Variants in TAFA2 observed in about 807,000 individuals in gnomAD.
TAFA2 encodes chemokine-like protein TAFA-2.
Under a neutral mutation model 18.8 loss-of-function variants are expected in TAFA2, and 7 were observed. The observed-to-expected ratio is 0.37, with a 90% confidence interval of 0.21 to 0.70. The LOEUF is 0.70. Among genes scored for constraint, TAFA2 ranks in the 30% least tolerant of loss-of-function variants. The probability of loss-of-function intolerance (pLI) is 0.53; values close to 1 mark genes in which losing one functional copy is unlikely to be tolerated. For missense variants in TAFA2, 122 were observed against 158.1 expected (o/e 0.77, Z 1.23); for synonymous variants, 60 against 54.2 (o/e 1.11, Z -0.47).
chr12:62,029,037 G>A (rs560812636), intron 1 of TAFA2, among the ~76,000 whole-genome samples: 1 of 152,034 alleles, frequency 6.6e-6, no homozygotes, highest in East Asian at 1.9e-4. Flanking sequence ...TTTATAAAGA[G>A]ATTTTTTAAC....
At chr12:61,823,229 G>A (rs984762831) in intron 2 of TAFA2, among the ~76,000 whole-genome samples, 4 of 151,926 alleles carry the variant, frequency 2.6e-5, no homozygotes, top group African/African-American at 4.8e-5. Flanking sequence ...CTGGAGTGCA[G>A]TGGCATGATC....
chr12:61,863,756 T>A (rs1196145533), intron 2 of TAFA2, among the ~76,000 whole-genome samples: 2 of 152,160 alleles, frequency 1.3e-5, no homozygotes, highest in African/African-American at 4.8e-5. Context: ...CTGTGAATGT[T>A]CTGTGATCAC....
intron 1 of TAFA2, among the ~76,000 whole-genome samples, chr12:62,131,553 C>T (rs925759849): frequency 1.3e-5 from 2 of 151,956 alleles, no homozygotes; most frequent in Non-Finnish European, 2.9e-5. Context: ...AGGCCATTTC[C>T]AAGACCACTT....
At chr12:61,801,189 A>G (rs930764858) in intron 2 of TAFA2, among the ~76,000 whole-genome samples, 3 of 152,182 alleles carry the variant, frequency 2.0e-5, no homozygotes, top group Non-Finnish European at 4.4e-5. Context: ...AAATGTCAGT[A>G]CTACCCATAG....
intron 1 of TAFA2, chr12:61,879,315 A>G: frequency 2.0e-6 from 1 of 510,708 alleles, no homozygotes; most frequent in South Asian, 2.9e-5. Context: ...TCCTGCCTCC[A>G]CCATGTCCAT....
At chr12:61,773,514 G>A (rs1021154930) in intron 2 of TAFA2, among the ~76,000 whole-genome samples, 6 of 151,964 alleles carry the variant, frequency 3.9e-5, no homozygotes, top group African/African-American at 9.7e-5. Flanking sequence ...TAGGCACATA[G>A]ACCAATGGAA....
intron 4 of TAFA2, among the ~76,000 whole-genome samples, chr12:61,727,074 A>G (rs1274067742): frequency 6.6e-6 from 1 of 152,088 alleles, no homozygotes; most frequent in African/African-American, 2.4e-5. Flanking sequence ...CCCTGGTATG[A>G]AGCACACTTG....
At chr12:62,184,289 A>G (rs2062570316) in intron 1 of TAFA2, among the ~76,000 whole-genome samples, 1 of 152,194 alleles carries the variant, frequency 6.6e-6, no homozygotes, top group Non-Finnish European at 1.5e-5. Flanking sequence ...TTAAATGCAT[A>G]CATATCTTAG....
Position 62,181,996 on chromosome 12 carries a change from C to CA in TAFA2, c.-2+9262_-2+9263insT, listed in dbSNP as rs1555196486. 8.7e-5 allele frequency among the ~76,000 whole-genome samples: 13 copies of CA among 148,788 alleles called. No homozygotes were observed. In the East Asian group the frequency reaches 1.5e-3, roughly 17 times the overall value. ...TCATCTTTTCTCAAGTCCATCCCCC[C>CA]CCCGCTACACATAGTAGCTACTCAA... On this transcript the variant is annotated intron_variant, in intron 1 of 4. Coordinates refer to ENST00000416284, the MANE Select transcript of TAFA2 (RefSeq NM_178539.5).
rs150885382 is a variant in TAFA2 at position 62,162,935 on chromosome 12, T to C, written c.-2+28324A>G. 3.8e-4 allele frequency among the ~76,000 whole-genome samples: 57 copies of C among 151,910 alleles called. 1 individual carries two copies. The highest frequency in any genetic ancestry group is 1.3e-3 in the Admixed American group (20 of 15,246). Reference sequence around the variant, plus strand: ...CTTAAGGTCTGAAGAATGGGGAAGATTTATCCAAAGGCATAAATCAAAAAA... The same window carrying C: ...CTTAAGGTCTGAAGAATGGGGAAGACTTATCCAAAGGCATAAATCAAAAAA... On this transcript the variant is annotated intron_variant, in intron 1 of 4. Transcript: ENST00000416284.
In TAFA2 at chr12:61,710,214, A is replaced by G. The variant is rs1481494791; in HGVS notation, c.*192T>C. 1.8e-6 allele frequency: 1 copy of G among 566,170 alleles called. No homozygotes were observed. The highest frequency in any genetic ancestry group is 2.8e-5 in the East Asian group (1 of 36,108). 35.1% of individuals were successfully genotyped at this position (566,170 alleles called of 1,614,324 possible). On this transcript the variant is annotated 3_prime_UTR_variant, in exon 5 of 5. Coordinates refer to ENST00000416284, the MANE Select transcript of TAFA2 (RefSeq NM_178539.5). ...GTTCAAATCTGCTGAAATCTTCATG[A>G]CATGCAAGTTCATGTCTGACTTTTA...
At chr12:62,096,413 T>C (rs757836182) in intron 1 of TAFA2, among the ~76,000 whole-genome samples, 1 of 152,034 alleles carries the variant, frequency 6.6e-6, no homozygotes, top group Non-Finnish European at 1.5e-5. Context: ...CACAGACACA[T>C]AAGATGTCAC....
intron 4 of TAFA2, among the ~76,000 whole-genome samples, chr12:61,749,781 C>A (rs1369365968): frequency 6.6e-6 from 1 of 151,896 alleles, no homozygotes; most frequent in African/African-American, 2.4e-5. Flanking sequence ...AGGTAATCTT[C>A]CTAAAAACAA....
chr12:62,144,212 T>C (rs1377505884), intron 1 of TAFA2, among the ~76,000 whole-genome samples: 1 of 152,154 alleles, frequency 6.6e-6, no homozygotes, highest in Non-Finnish European at 1.5e-5. Context: ...TACATTTCAA[T>C]ATAGTACAGA....
chr12:61,825,874 T>C (rs1872519722), intron 2 of TAFA2, among the ~76,000 whole-genome samples: 1 of 152,048 alleles, frequency 6.6e-6, no homozygotes, highest in Non-Finnish European at 1.5e-5. Flanking sequence ...GGAAAATTAA[T>C]GGAATAAAAA....
chr12:62,082,597 C>T (rs141118392), intron 1 of TAFA2, among the ~76,000 whole-genome samples: 251 of 152,272 alleles, frequency 1.6e-3, no homozygotes, highest in African/African-American at 5.8e-3. Flanking sequence ...TTTCATGAAG[C>T]TTGTCAAGTT....
intron 1 of TAFA2, among the ~76,000 whole-genome samples, chr12:62,156,105 A>C (rs1592371285): frequency 6.6e-6 from 1 of 152,028 alleles, no homozygotes; most frequent in East Asian, 1.9e-4. Flanking sequence ...TAAGAAAGAA[A>C]GAAACAATCC....
At chr12:61,767,882 A>G (rs2120829155) in intron 2 of TAFA2, among the ~76,000 whole-genome samples, 1 of 152,216 alleles carries the variant, frequency 6.6e-6, no homozygotes, top group East Asian at 1.9e-4. Flanking sequence ...CATCTCAACT[A>G]AGCTTTTCAT....
chr12:61,787,423 T>A (rs922938859), intron 2 of TAFA2, among the ~76,000 whole-genome samples: 3 of 151,658 alleles, frequency 2.0e-5, no homozygotes, highest in African/African-American at 7.3e-5. Flanking sequence ...ACTCCAATAC[T>A]CTAAAGGTGC....
Sources: allele counts gnomAD v4.1 joint callset (sites outside exome capture counted in the v4.1 genomes callset), GRCh38; gene constraint gnomAD v4.1.1; transcripts MANE v1.5; gene names NCBI Gene and HGNC (gene_info 2026-07-23, HGNC 2026-07-21).